Variants in LINGO2 observed in about 807,000 individuals in gnomAD.
LINGO2 encodes leucine rich repeat and Ig domain containing 2.
Under a neutral mutation model 30.6 loss-of-function variants are expected in LINGO2, and 14 were observed. The observed-to-expected ratio is 0.46, with a 90% CI of 0.30 to 0.72. LINGO2 has a LOEUF of 0.72. LINGO2 is among the 30% of genes least tolerant of loss of function. The probability of loss-of-function intolerance (pLI) is 0.07; values close to 1 mark genes in which losing one functional copy is unlikely to be tolerated. For missense variants in LINGO2, 729 were observed against 751.7 expected, an observed-to-expected ratio of 0.97 and a Z score of 0.35; for synonymous variants, 317 against 288.5, an observed-to-expected ratio of 1.10 and a Z score of -1.00.
At chr9:28,237,684 C>A (rs113307750) in intron 4 of LINGO2, among the ~76,000 whole-genome samples, 11,108 of 152,046 alleles carry the variant, frequency 0.073, 485 homozygotes, top group South Asian at 0.14. Context: ...AAAACCCCAG[C>A]TCTACTAAAA....
intron 3 of LINGO2, among the ~76,000 whole-genome samples, chr9:28,312,960 A>C (rs950046580): frequency 7.2e-5 from 11 of 152,164 alleles, no homozygotes; most frequent in Non-Finnish European, 1.3e-4. Context: ...AAACCCACAA[A>C]ATACAAAGGA....
chr9:27,988,089 G>A (rs1821211977), intron 5 of LINGO2, among the ~76,000 whole-genome samples: 1 of 151,954 alleles, frequency 6.6e-6, no homozygotes, highest in Non-Finnish European at 1.5e-5. Flanking sequence ...ACCTATGATC[G>A]AGAACATGTG....
chr9:28,624,617 T>C (rs1209857750), intron 1 of LINGO2, among the ~76,000 whole-genome samples: 1 of 147,360 alleles, frequency 6.8e-6, no homozygotes, highest in Non-Finnish European at 1.5e-5. Flanking sequence ...TCAGAGATAT[T>C]AGCCTGTAGT....
chr9:28,799,366 C>T, the LINGO2 span, among the ~76,000 whole-genome samples: 4 of 151,964 alleles, frequency 2.6e-5, no homozygotes, highest in African/African-American at 7.3e-5. Context: ...CCACCCAAGG[C>T]CAGTGATATG....
chr9:29,177,151 C>A, the LINGO2 span, among the ~76,000 whole-genome samples: 1 of 152,236 alleles, frequency 6.6e-6, no homozygotes, highest in Admixed American at 6.5e-5. Flanking sequence ...CCTGTTTCTT[C>A]CACTTAAAAA....
At chr9:28,200,748 T>C (rs1820200832) in intron 4 of LINGO2, among the ~76,000 whole-genome samples, 1 of 152,206 alleles carries the variant, frequency 6.6e-6, no homozygotes, top group South Asian at 2.1e-4. Flanking sequence ...GTCATCTATG[T>C]CTTACCACAA....
chr9:28,435,059 CT>C (rs1231707917), intron 2 of LINGO2, among the ~76,000 whole-genome samples: 3 of 151,994 alleles, frequency 2.0e-5, no homozygotes, highest in Non-Finnish European at 4.4e-5. Flanking sequence ...GCAGAGTTAA[CT>C]TTTGGGAAAC....
the LINGO2 span, among the ~76,000 whole-genome samples, chr9:28,761,481 T>C: frequency 4.0e-5 from 3 of 75,134 alleles, no homozygotes; most frequent in South Asian, 1.7e-3. Flanking sequence ...AAAATATACA[T>C]GCGCACACAC....
the LINGO2 span, among the ~76,000 whole-genome samples, chr9:28,755,809 T>G: frequency 6.6e-6 from 1 of 152,062 alleles, no homozygotes; most frequent in African/African-American, 2.4e-5. Flanking sequence ...AAAGGTCTAT[T>G]GCTCACAGCT....
At chr9:28,688,551 A>T in the LINGO2 span, among the ~76,000 whole-genome samples, 1 of 152,178 alleles carries the variant, frequency 6.6e-6, no homozygotes, top group Admixed American at 6.6e-5. Context: ...GTTCCTCCTA[A>T]GGGAAATTGC....
chr9:28,723,126 T>A, the LINGO2 span, among the ~76,000 whole-genome samples: 1 of 152,086 alleles, frequency 6.6e-6, no homozygotes. Flanking sequence ...TCAATGCTTT[T>A]CAAACTTTAA....
intron 4 of LINGO2, among the ~76,000 whole-genome samples, chr9:28,054,376 G>A (rs577139684): frequency 1.9e-4 from 29 of 152,178 alleles, no homozygotes; most frequent in African/African-American, 4.8e-4. Context: ...ACAAGATGCC[G>A]AAAGATCAGT....
intron 1 of LINGO2, among the ~76,000 whole-genome samples, chr9:28,534,941 TACATGTGTATGTATATACATACAC>T (rs1012640401): frequency 4.6e-5 from 7 of 152,092 alleles, no homozygotes; most frequent in African/African-American, 7.2e-5. Context: ...TTTGTATATA[TACATGTGTATGTATATACATACAC>T]ACACTTTTTA....
intron 4 of LINGO2, among the ~76,000 whole-genome samples, chr9:28,123,234 A>G (rs1587032754): frequency 6.6e-6 from 1 of 152,244 alleles, no homozygotes; most frequent in Non-Finnish European, 1.5e-5. Flanking sequence ...AGTTTTAATT[A>G]TCTCCTAAAA....
chr9:28,891,364 T>G, the LINGO2 span, among the ~76,000 whole-genome samples: 6 of 152,068 alleles, frequency 3.9e-5, no homozygotes, highest in East Asian at 9.6e-4. Flanking sequence ...TTATCAGCAT[T>G]ATTGTCATTA....
At chr9:28,502,161 C>CACACAA (rs1214120457) in intron 1 of LINGO2, among the ~76,000 whole-genome samples, 1 of 149,944 alleles carries the variant, frequency 6.7e-6, no homozygotes, top group Non-Finnish European at 1.5e-5. Flanking sequence ...CACACACACA[C>CACACAA]ATACACACAC....
chr9:28,051,065 C>T (rs1412720522), intron 4 of LINGO2, among the ~76,000 whole-genome samples: 1 of 150,804 alleles, frequency 6.6e-6, no homozygotes, highest in African/African-American at 2.5e-5. Context: ...TAGCTAACTC[C>T]TTTCTCCAAG....
rs35627400 is a variant in LINGO2, at chr9:28,512,669, ATATCTATCTATC to A, written c.-364-36656_-364-36645del. Among the ~76,000 whole-genome samples, 8 of 126,958 alleles carry A rather than the reference ATATCTATCTATC, an allele frequency of 6.3e-5. No individual in the cohort carries two copies. The South Asian group carries it at 1.6e-3, about 26-fold the overall frequency. The allele number at this position is 126,958 out of a possible 152,430, so 83.3% of individuals were successfully genotyped here. On this transcript the variant is annotated intron_variant, in intron 1 of 5. Coordinates refer to ENST00000379992, the Ensembl canonical transcript of LINGO2. ...TACATACACACACACACACATATGG[ATATCTATCTATC>A]TATCTATCTATCTCTCTGGGAATTT...
the LINGO2 span, among the ~76,000 whole-genome samples, chr9:28,785,830 A>G: frequency 6.6e-6 from 1 of 152,224 alleles, no homozygotes; most frequent in African/African-American, 2.4e-5. Context: ...CTAACAAAGG[A>G]ACAAAAGGGA....
Sources: gnomAD v4.1 joint callset for allele counts (sites outside exome capture counted in the v4.1 genomes callset) on GRCh38, gnomAD v4.1.1 for gene constraint, MANE v1.5 for transcripts, NCBI Gene and HGNC (gene_info 2026-07-23, HGNC 2026-07-21) for gene names.